The following PCDH9 variants were observed in gnomAD, a reference collection of about 807,000 sequenced individuals.
PCDH9 encodes the protein protocadherin 9.
In PCDH9, 24 loss-of-function variants were observed where a neutral mutation model predicts 70.6. The observed-to-expected ratio is 0.34, with a 90% CI of 0.25 to 0.48. PCDH9 has a LOEUF of 0.48. Ranked by LOEUF, PCDH9 falls within the 20% of genes least tolerant of loss-of-function variation. The pLI, the probability that PCDH9 is intolerant of heterozygous loss-of-function variation, is 0.99. For missense variants in PCDH9, 1,281 were observed against 1,503.6 expected, an observed-to-expected ratio of 0.85 and a Z score of 2.45; for synonymous variants, 562 against 558.5, an observed-to-expected ratio of 1.01 and a Z score of -0.09.
chr13:66,961,527 C>T (rs12864857), intron 2 of PCDH9, among the ~76,000 whole-genome samples: 1 of 152,054 alleles, frequency 6.6e-6, no homozygotes, highest in African/African-American at 2.4e-5. Flanking sequence ...GGTATGGTGG[C>T]TCAGGTCTAT....
intron 3 of PCDH9, among the ~76,000 whole-genome samples, chr13:66,682,911 C>T (rs1229620916): frequency 2.0e-5 from 3 of 152,108 alleles, no homozygotes; most frequent in East Asian, 1.9e-4. Context: ...GGAAAACCAT[C>T]GTCTTACATG....
At chr13:66,610,830 G>C (rs919557050) in intron 4 of PCDH9, among the ~76,000 whole-genome samples, 2 of 152,142 alleles carry the variant, frequency 1.3e-5, no homozygotes, top group Admixed American at 1.3e-4. Flanking sequence ...TCCTGTGACA[G>C]GATGATACCT....
chr13:66,313,518 C>T (rs1042038064), intron 4 of PCDH9, among the ~76,000 whole-genome samples: 1 of 152,180 alleles, frequency 6.6e-6, no homozygotes, highest in Non-Finnish European at 1.5e-5. Context: ...AAATAAGCCA[C>T]TTACATAATA....
intron 3 of PCDH9, among the ~76,000 whole-genome samples, chr13:66,825,407 A>G (rs1367825532): frequency 1.6e-4 from 21 of 129,858 alleles, no homozygotes; most frequent in East Asian, 1.1e-3. Flanking sequence ...CGCGATCTCG[A>G]CTCACTGCAA....
intron 2 of PCDH9, among the ~76,000 whole-genome samples, chr13:66,960,043 A>G (rs2083321748): frequency 6.6e-6 from 1 of 152,202 alleles, no homozygotes; most frequent in Non-Finnish European, 1.5e-5. Context: ...AGAATAAAGG[A>G]CAAAGTCTCA....
At chr13:67,110,013 G>A (rs184385108) in intron 2 of PCDH9, among the ~76,000 whole-genome samples, 67 of 151,952 alleles carry the variant, frequency 4.4e-4, no homozygotes, top group Admixed American at 3.9e-4. Flanking sequence ...GAAATACATC[G>A]GTCCTTGATT....
At chr13:66,793,111 T>TTA (rs141189103) in intron 3 of PCDH9, among the ~76,000 whole-genome samples, 12,245 of 150,348 alleles carry the variant, frequency 0.081, 509 homozygotes, top group East Asian at 0.14. Context: ...TAATATATGC[T>TTA]TATATATATA....
chr13:67,071,259 T>C (rs1349205831), intron 2 of PCDH9, among the ~76,000 whole-genome samples: 1 of 152,122 alleles, frequency 6.6e-6, no homozygotes, highest in Non-Finnish European at 1.5e-5. Context: ...TTAAACCAAA[T>C]AAATGTTCAA....
intron 3 of PCDH9, among the ~76,000 whole-genome samples, chr13:66,759,936 AG>A (rs1376336631): frequency 6.6e-6 from 1 of 152,108 alleles, no homozygotes; most frequent in African/African-American, 2.4e-5. Context: ...TCATTTTAGC[AG>A]TAAGTTGTTC....
At chr13:66,976,165 C>T (rs1259664752) in intron 2 of PCDH9, among the ~76,000 whole-genome samples, 1 of 152,090 alleles carries the variant, frequency 6.6e-6, no homozygotes, top group Non-Finnish European at 1.5e-5. Context: ...TCCAATCCAT[C>T]TAACTGATAT....
intron 2 of PCDH9, among the ~76,000 whole-genome samples, chr13:67,033,456 T>C (rs2084947333): frequency 6.6e-6 from 1 of 152,192 alleles, no homozygotes; most frequent in African/African-American, 2.4e-5. Flanking sequence ...CCTTTTTTCT[T>C]TCTGTACCTA....
intron 3 of PCDH9, among the ~76,000 whole-genome samples, chr13:66,735,089 A>G (rs2079128282): frequency 6.6e-6 from 1 of 152,168 alleles, no homozygotes; most frequent in African/African-American, 2.4e-5. Flanking sequence ...CATAACCTCA[A>G]AATATTAGAT....
chr13:66,573,796 AT>A lies in PCDH9; in HGVS notation c.3340+57413del, dbSNP rs1419357535. Among the ~76,000 whole-genome samples the A allele has an allele frequency of 4.6e-5, 7 of 152,230 alleles. No individual in the cohort carries two copies. In the East Asian group the frequency reaches 1.4e-3, roughly 29 times the overall value. ...TTGGTGCCAAATCAACTGAAATGCA[AT>A]GCAATTATCAGTCAATATTACTTGC... On this transcript the variant is annotated intron_variant, in intron 4 of 4. Transcript: ENST00000377865.
At chr13:66,931,991 A>G (rs935249024) in intron 2 of PCDH9, among the ~76,000 whole-genome samples, 2 of 152,040 alleles carry the variant, frequency 1.3e-5, no homozygotes, top group African/African-American at 4.8e-5. Context: ...CTTGTGTTTG[A>G]ATAAAACAGT....
intron 4 of PCDH9, among the ~76,000 whole-genome samples, chr13:66,555,272 G>A (rs900891680): frequency 6.6e-6 from 1 of 151,992 alleles, no homozygotes; most frequent in Non-Finnish European, 1.5e-5. Flanking sequence ...GAAACCAATA[G>A]TACTTTCTTT....
At chr13:66,794,787 A>G (rs1205118547) in intron 3 of PCDH9, among the ~76,000 whole-genome samples, 1 of 152,118 alleles carries the variant, frequency 6.6e-6, no homozygotes, top group Non-Finnish European at 1.5e-5. Context: ...GAAACAATAT[A>G]AGATCTTTTG....
At chr13:66,807,959 G>T (rs1246986404) in intron 3 of PCDH9, among the ~76,000 whole-genome samples, 1 of 152,170 alleles carries the variant, frequency 6.6e-6, no homozygotes, top group African/African-American at 2.4e-5. Context: ...GGGCTGGGTG[G>T]TTGAGTGTTA....
intron 3 of PCDH9, among the ~76,000 whole-genome samples, chr13:66,867,898 T>C (rs1392343370): frequency 6.6e-6 from 1 of 152,046 alleles, no homozygotes; most frequent in African/African-American, 2.4e-5. Flanking sequence ...CTGTTCTTTT[T>C]GTAAGTTGAT....
chr13:67,160,083 C>T (rs2087915049), intron 2 of PCDH9, among the ~76,000 whole-genome samples: 1 of 152,190 alleles, frequency 6.6e-6, no homozygotes, highest in African/African-American at 2.4e-5. Context: ...CTGGGAAATT[C>T]TGACTCCTCT....
Sources: gnomAD v4.1 joint callset for allele counts (sites outside exome capture counted in the v4.1 genomes callset) on GRCh38, gnomAD v4.1.1 for gene constraint, MANE v1.5 for transcripts, NCBI Gene and HGNC (gene_info 2026-07-23, HGNC 2026-07-21) for gene names.